ARHGAP32: variants seen among roughly 807,000 people sequenced by gnomAD.
ARHGAP32 encodes Rho GTPase activating protein 32.
A neutral mutation model predicts 186.5 loss-of-function variants in ARHGAP32; 51 were observed. The ratio of observed to expected loss-of-function variants is 0.27; its 90% CI spans 0.22 to 0.35. The LOEUF (loss-of-function observed/expected upper bound fraction) is 0.35, where lower values mean the gene tolerates loss of function less well. Among genes scored for constraint, ARHGAP32 ranks in the 10% least tolerant of loss-of-function variants. The pLI, the probability that ARHGAP32 is intolerant of heterozygous loss-of-function variation, is 1.00. For missense variants in ARHGAP32, 2,186 were observed against 2,623.5 expected, an observed-to-expected ratio of 0.83 and a Z score of 3.64; for synonymous variants, 950 against 964.3, an observed-to-expected ratio of 0.99 and a Z score of 0.27.
chr11:129,120,525 T>C (rs1475102503), intron 5 of ARHGAP32, among the ~76,000 whole-genome samples: 1 of 152,096 alleles, frequency 6.6e-6, no homozygotes, highest in Non-Finnish European at 1.5e-5. Flanking sequence ...AAATTGTTTT[T>C]TAAGCAACTG....
chr11:129,006,540 CAG>C (rs1236737282), intron 11 of ARHGAP32, among the ~76,000 whole-genome samples: 1 of 152,208 alleles, frequency 6.6e-6, no homozygotes, highest in Non-Finnish European at 1.5e-5. Flanking sequence ...GATTACCGGT[CAG>C]AGACTTTTGT....
At chr11:129,147,580 T>C (rs1436603204) in intron 2 of ARHGAP32, among the ~76,000 whole-genome samples, 1 of 152,192 alleles carries the variant, frequency 6.6e-6, no homozygotes, top group African/African-American at 2.4e-5. Flanking sequence ...GAGATGGAAC[T>C]TGCCTTATAG....
At position 128,972,784 on chromosome 11, in the gene ARHGAP32, G is replaced by C. The variant is rs1434314925; in HGVS notation, c.3722C>G (p.Pro1241Arg). The C allele has an allele frequency of 1.9e-6, 3 of 1,613,922 alleles. No individual in the cohort carries two copies. The highest frequency in any genetic ancestry group is 3.3e-5 in the Admixed American group (2 of 59,988). Residue 1241 changes from proline (P) to arginine (R), a missense_variant, in exon 22 of 23, where the codon CCT (proline) becomes CGT (arginine). By Grantham distance (103) the Pro-to-Arg change is moderately radical (BLOSUM62 -2). Coordinates refer to ENST00000682385, the MANE Select transcript of ARHGAP32 (RefSeq NM_001378024.1). ...GGGAGATTTGTCTGCAAATTCTAAA[G>C]GGTGATGGAGTTTATCCACACTTGC... is the stretch of plus-strand genomic sequence containing the variant. The part of the protein sequence containing the change: ...LGASVDKLHH[P>R]LEFADKSPTP...
At chr11:129,023,965 G>A (rs1938715432) in intron 11 of ARHGAP32, 10 of 985,216 alleles carry the variant, frequency 1.0e-5, no homozygotes, top group Non-Finnish European at 1.2e-5. Flanking sequence ...CCGTACAAGA[G>A]TGTAGAAAAT....
intron 1 of ARHGAP32, among the ~76,000 whole-genome samples, chr11:129,177,396 C>G (rs868399278): frequency 6.6e-6 from 1 of 152,112 alleles, no homozygotes; most frequent in Non-Finnish European, 1.5e-5. Flanking sequence ...GAAACTATTC[C>G]AGTCAATAAA....
chr11:128,999,272 T>C (rs1044588532), intron 11 of ARHGAP32, among the ~76,000 whole-genome samples: 1 of 152,340 alleles, frequency 6.6e-6, no homozygotes, highest in African/African-American at 2.4e-5. Flanking sequence ...AAATACGCCC[T>C]GGTCTCCTGC....
chr11:129,206,174 C>A (rs1944511315), intron 1 of ARHGAP32, among the ~76,000 whole-genome samples: 1 of 152,250 alleles, frequency 6.6e-6, no homozygotes, highest in Non-Finnish European at 1.5e-5. Context: ...CAAATATCCA[C>A]TCAAGGTAAA....
At chr11:129,031,622 A>C (rs2134967638) in intron 11 of ARHGAP32, among the ~76,000 whole-genome samples, 1 of 152,342 alleles carries the variant, frequency 6.6e-6, no homozygotes, top group Non-Finnish European at 1.5e-5. Context: ...ATTCTGCAAA[A>C]TAATACATGC....
At chr11:129,104,461 G>C (rs1941994817) in intron 5 of ARHGAP32, among the ~76,000 whole-genome samples, 1 of 151,866 alleles carries the variant, frequency 6.6e-6, no homozygotes, top group African/African-American at 2.4e-5. Context: ...TTTGAGTTAT[G>C]ATTTTAATTG....
chr11:129,124,066 T>A, intron 3 of ARHGAP32, 137 bp from the exon 4 acceptor site: 1 of 405,010 alleles, frequency 2.5e-6, no homozygotes, highest in South Asian at 3.8e-5. Context: ...GAATAGTCCT[T>A]GTTCAAAATG....
At chr11:129,040,656 G>A (rs1939555364) in intron 11 of ARHGAP32, among the ~76,000 whole-genome samples, 1 of 151,886 alleles carries the variant, frequency 6.6e-6, no homozygotes, top group Non-Finnish European at 1.5e-5. Flanking sequence ...TATTCATTAA[G>A]TTACAATGCT....
chr11:129,216,518 CA>C (rs1393144089), intron 1 of ARHGAP32, among the ~76,000 whole-genome samples: 2 of 151,598 alleles, frequency 1.3e-5, no homozygotes, highest in African/African-American at 4.8e-5. Flanking sequence ...CCTAAAAATA[CA>C]AAAATTAGCC....
At chr11:129,261,827 A>G (rs1945323705) in intron 1 of ARHGAP32, among the ~76,000 whole-genome samples, 1 of 152,246 alleles carries the variant, frequency 6.6e-6, no homozygotes, top group Admixed American at 6.5e-5. Flanking sequence ...ACTGTTAAAA[A>G]AGGAAACCAA....
chr11:129,163,498 G>A (rs192868215), intron 2 of ARHGAP32, among the ~76,000 whole-genome samples: 6 of 152,174 alleles, frequency 3.9e-5, no homozygotes, highest in Admixed American at 2.0e-4. Flanking sequence ...TCAGGTTGAC[G>A]AAGCCAAAAA....
At chr11:129,167,616 C>T (rs1943665833) in intron 1 of ARHGAP32, among the ~76,000 whole-genome samples, 1 of 152,020 alleles carries the variant, frequency 6.6e-6, no homozygotes, top group African/African-American at 2.4e-5. Flanking sequence ...AAGTCAGAGG[C>T]AAAAGACCAC....
chr11:129,078,556 G>A (rs1011935957), intron 6 of ARHGAP32, among the ~76,000 whole-genome samples: 13 of 152,216 alleles, frequency 8.5e-5, no homozygotes, highest in African/African-American at 2.2e-4. Context: ...GCAGTGGCAC[G>A]TTCTCAGCTC....
chr11:129,219,488 T>C (rs1821742788), intron 1 of ARHGAP32, among the ~76,000 whole-genome samples: 1 of 152,196 alleles, frequency 6.6e-6, no homozygotes, highest in Non-Finnish European at 1.5e-5. Context: ...GTTTTGGCTG[T>C]TTCTGAGATC....
At chr11:129,170,387 G>T (rs1420453048) in intron 1 of ARHGAP32, among the ~76,000 whole-genome samples, 1 of 151,734 alleles carries the variant, frequency 6.6e-6, no homozygotes, top group African/African-American at 2.4e-5. Flanking sequence ...GTGTCCACCT[G>T]TTCTCAGTGT....
At chr11:128,997,365 T>A (rs1946228326) in intron 12 of ARHGAP32, among the ~76,000 whole-genome samples, 1 of 152,214 alleles carries the variant, frequency 6.6e-6, no homozygotes. Flanking sequence ...CTGATATTCT[T>A]TAAACAATGA....
Sources: gnomAD v4.1 joint callset for allele counts (sites outside exome capture counted in the v4.1 genomes callset) on GRCh38, gnomAD v4.1.1 for gene constraint, MANE v1.5 for transcripts, NCBI Gene and HGNC (gene_info 2026-07-23, HGNC 2026-07-21) for gene names.